The following INSL6 variants were observed in gnomAD, a reference collection of about 807,000 sequenced individuals.
INSL6 encodes the protein insulin-like peptide INSL6.
A neutral mutation model predicts 9.4 loss-of-function variants in INSL6; 16 were observed. That is an observed-to-expected ratio of 1.70 (90% CI 1.15 to 2.59). The LOEUF (loss-of-function observed/expected upper bound fraction) is 2.59, where lower values mean the gene tolerates loss of function less well. INSL6 is among the 30% of genes most tolerant of loss of function. The pLI is 0.00. For synonymous variants in INSL6, 154 were observed against 96.9 expected, an observed-to-expected ratio of 1.59 and a Z score of -3.46; for missense variants, 391 against 257.3, an observed-to-expected ratio of 1.52 and a Z score of -3.56.
the INSL6 span, among the ~76,000 whole-genome samples, chr9:5,034,926 C>A: frequency 6.5e-3 from 984 of 152,032 alleles, 8 homozygotes; most frequent in African/African-American, 0.022. Context: ...AAAAACCCTT[C>A]AAAAAAATCA....
At chr9:5,091,743 C>T in the INSL6 span, 5 of 152,042 alleles carry the variant, frequency 3.3e-5, no homozygotes, top group African/African-American at 1.2e-4. Context: ...TAGATTTTGG[C>T]TTATGAATAG....
the INSL6 span, chr9:5,069,844 A>G: frequency 3.8e-5 from 32 of 847,206 alleles, no homozygotes; most frequent in East Asian, 4.7e-4. Flanking sequence ...TACGTAGAAC[A>G]CATTTCATTT....
At chr9:5,141,749 T>G (rs916693032) in intron 2 of INSL6, among the ~76,000 whole-genome samples, 1 of 152,204 alleles carries the variant, frequency 6.6e-6, no homozygotes, top group African/African-American at 2.4e-5. Flanking sequence ...AATTTTTGCT[T>G]TTGTTGCAAT....
chr9:5,065,553 AGCATTTGAGAT>A, the INSL6 span, among the ~76,000 whole-genome samples: 2 of 152,236 alleles, frequency 1.3e-5, no homozygotes, highest in African/African-American at 4.8e-5. Context: ...GTGGCTGTTT[AGCATTTGAGAT>A]GTGGCTAATG....
chr9:5,001,985 C>G, the INSL6 span, among the ~76,000 whole-genome samples: 2 of 151,940 alleles, frequency 1.3e-5, no homozygotes, highest in Admixed American at 1.3e-4. Context: ...CTTTTTATAT[C>G]CACTTACTGT....
chr9:5,029,272 G>A, the INSL6 span, among the ~76,000 whole-genome samples: 4 of 152,058 alleles, frequency 2.6e-5, no homozygotes, highest in South Asian at 2.1e-4. Flanking sequence ...TTGCTGGAGC[G>A]GTCAGAACAC....
the INSL6 span, among the ~76,000 whole-genome samples, chr9:5,065,540 CATGTGGCTGTTTAGCATTTGAG>C: frequency 6.6e-6 from 1 of 152,330 alleles, no homozygotes; most frequent in South Asian, 2.1e-4. Flanking sequence ...CCACTAGCTA[CATGTGGCTGTTTAGCATTTGAG>C]ATGTGGCTAA....
chr9:5,010,936 C>T, the INSL6 span, among the ~76,000 whole-genome samples: 3 of 152,240 alleles, frequency 2.0e-5, no homozygotes, highest in East Asian at 3.9e-4. Context: ...ACAGCTTTCC[C>T]CCTCTCCCTA....
chr9:5,117,802 C>A, the INSL6 span, among the ~76,000 whole-genome samples: 1 of 152,076 alleles, frequency 6.6e-6, no homozygotes, highest in Non-Finnish European at 1.5e-5. Context: ...AGCCTGAGAT[C>A]AAAAGCTTTG....
chr9:5,134,213 G>A (rs11789744), intron 2 of INSL6, among the ~76,000 whole-genome samples: 36,867 of 151,996 alleles, frequency 0.24, 4,924 homozygotes, highest in South Asian at 0.3. Flanking sequence ...CCAAATCTAC[G>A]TTTGGTGTAC....
intron 2 of INSL6, among the ~76,000 whole-genome samples, chr9:5,147,017 A>G (rs1339347572): frequency 6.6e-6 from 1 of 152,124 alleles, no homozygotes; most frequent in Non-Finnish European, 1.5e-5. Context: ...CCCTTCAGAG[A>G]CCAGGTCCAA....
the INSL6 span, chr9:5,065,058 A>T: frequency 1.3e-6 from 2 of 1,489,406 alleles, no homozygotes; most frequent in Non-Finnish European, 1.8e-6. Flanking sequence ...ATACAGACTT[A>T]AAAGTAAATT....
chr9:5,144,511 G>A (rs1418200394), intron 2 of INSL6, among the ~76,000 whole-genome samples: 23 of 151,994 alleles, frequency 1.5e-4, no homozygotes, highest in Non-Finnish European at 2.9e-5. Flanking sequence ...CATTTGATCC[G>A]GTGCTGAGTT....
intron 2 of INSL6, among the ~76,000 whole-genome samples, chr9:5,134,150 G>C (rs1308704259): frequency 6.6e-6 from 1 of 152,142 alleles, no homozygotes; most frequent in Non-Finnish European, 1.5e-5. Flanking sequence ...AGAGAAAAAA[G>C]AGTGAAAAGA....
At chr9:5,040,978 A>G in the INSL6 span, 2 of 591,214 alleles carry the variant, frequency 3.4e-6, no homozygotes, top group Non-Finnish European at 6.3e-6. Context: ...ATATGTGGCT[A>G]TCAAATTGGA....
the INSL6 span, chr9:5,044,504 C>T: frequency 6.3e-7 from 1 of 1,597,650 alleles, no homozygotes; most frequent in African/African-American, 1.3e-5. Flanking sequence ...TTTGTCATGT[C>T]TTACCTCTTT....
At chr9:5,173,681 G>C (rs1173183364) in intron 1 of INSL6, among the ~76,000 whole-genome samples, 1 of 151,918 alleles carries the variant, frequency 6.6e-6, no homozygotes, top group Non-Finnish European at 1.5e-5. Flanking sequence ...CCTAGGTGAT[G>C]GGTTGACAGG....
At chr9:5,110,154 C>A in the INSL6 span, 1 of 152,222 alleles carries the variant, frequency 6.6e-6, no homozygotes, top group African/African-American at 2.4e-5. Context: ...CGGCCTCCAT[C>A]CCTGACTTCC....
the INSL6 span, among the ~76,000 whole-genome samples, chr9:5,061,524 C>T: frequency 6.6e-6 from 1 of 152,196 alleles, no homozygotes. Flanking sequence ...CTGCTAGCTT[C>T]CAACTTTTCT....
Sources: gnomAD v4.1 joint callset for allele counts (sites outside exome capture counted in the v4.1 genomes callset) on GRCh38, gnomAD v4.1.1 for gene constraint, MANE v1.5 for transcripts, NCBI Gene and HGNC (gene_info 2026-07-23, HGNC 2026-07-21) for gene names.